MACROD1: variants seen among roughly 807,000 people sequenced by gnomAD.
The protein encoded by MACROD1 is mono-ADP ribosylhydrolase 1, also known as ADP-ribose glycohydrolase MACROD1.
MACROD1 carries 31 observed loss-of-function variants against 41.4 expected under a neutral mutation model. The ratio of observed to expected loss-of-function variants is 0.75; its 90% CI spans 0.56 to 1.01. MACROD1 has a LOEUF of 1.01. Among genes scored for constraint, MACROD1 ranks in the 50% least tolerant of loss-of-function variants. The pLI is 0.00. For missense variants in MACROD1, 473 were observed against 460.0 expected (o/e 1.03, Z -0.26); for synonymous variants, 252 against 203.4 (o/e 1.24, Z -2.03).
chr11:64,143,374 C>T (rs974069731), intron 3 of MACROD1, among the ~76,000 whole-genome samples: 1 of 152,106 alleles, frequency 6.6e-6, no homozygotes, highest in Non-Finnish European at 1.5e-5. Context: ...CTGACTCAGA[C>T]ACGAGGCAAC....
At chr11:64,012,453 T>G (rs1259212892) in intron 4 of MACROD1, among the ~76,000 whole-genome samples, 1 of 151,348 alleles carries the variant, frequency 6.6e-6, no homozygotes, top group Non-Finnish European at 1.5e-5. Flanking sequence ...CAAGCTGGAG[T>G]GCAGTGGTGT....
At chr11:64,085,564 C>T (rs1944379075) in intron 3 of MACROD1, among the ~76,000 whole-genome samples, 1 of 152,188 alleles carries the variant, frequency 6.6e-6, no homozygotes, top group Admixed American at 6.5e-5. Flanking sequence ...ACGTCCCCTG[C>T]CGCCCGCCCG....
intron 3 of MACROD1, among the ~76,000 whole-genome samples, chr11:64,037,919 G>A (rs1401424070): frequency 6.6e-6 from 1 of 152,348 alleles, no homozygotes; most frequent in Non-Finnish European, 1.5e-5. Context: ...GTGCTGCTTT[G>A]TAAGTGCATT....
intron 3 of MACROD1, among the ~76,000 whole-genome samples, chr11:64,026,704 C>T (rs1474041103): frequency 1.3e-5 from 2 of 152,148 alleles, no homozygotes; most frequent in African/African-American, 4.8e-5. Flanking sequence ...CTGTACCCCA[C>T]ACCCCTCCCC....
intron 3 of MACROD1, chr11:64,126,972 T>G (rs1945192534): frequency 6.6e-6 from 1 of 152,202 alleles, no homozygotes; most frequent in Admixed American, 6.5e-5. Flanking sequence ...TGCGACCAGA[T>G]GGCTGACCCG....
At chr11:64,052,839 C>T (rs557522441) in intron 3 of MACROD1, among the ~76,000 whole-genome samples, 2 of 152,278 alleles carry the variant, frequency 1.3e-5, no homozygotes, top group East Asian at 1.9e-4. Context: ...GGGGTTCTGC[C>T]GTGGTGCCAG....
At chr11:64,144,527 C>T (rs1248539867) in intron 3 of MACROD1, among the ~76,000 whole-genome samples, 2 of 152,212 alleles carry the variant, frequency 1.3e-5, no homozygotes, top group Non-Finnish European at 2.9e-5. Context: ...GCCTGCCTCT[C>T]GGGCCTCTGA....
intron 3 of MACROD1, among the ~76,000 whole-genome samples, chr11:64,110,698 G>C (rs1944846505): frequency 1.3e-5 from 2 of 152,142 alleles, no homozygotes; most frequent in African/African-American, 4.8e-5. Context: ...CATGGAGCTG[G>C]CAGGTCGTAA....
chr11:64,136,050 C>T (rs1432364496), intron 3 of MACROD1, among the ~76,000 whole-genome samples: 12 of 152,232 alleles, frequency 7.9e-5, no homozygotes, highest in Non-Finnish European at 1.5e-4. Flanking sequence ...CCGCCACGCT[C>T]GGCTGAGCCC....
chr11:64,035,745 C>G (rs1565203094), intron 3 of MACROD1, among the ~76,000 whole-genome samples: 2 of 146,452 alleles, frequency 1.4e-5, no homozygotes. Flanking sequence ...CCTCCTCTCC[C>G]TCCCCGCTCC....
intron 1 of MACROD1, among the ~76,000 whole-genome samples, chr11:64,156,524 C>G (rs978395953): frequency 1.3e-5 from 2 of 152,190 alleles, no homozygotes; most frequent in African/African-American, 4.8e-5. Context: ...CCAGCGTGAC[C>G]AGAGACACCT....
chr11:64,076,126 G>A (rs1044285632), intron 3 of MACROD1, among the ~76,000 whole-genome samples: 4 of 152,168 alleles, frequency 2.6e-5, no homozygotes, highest in African/African-American at 9.7e-5. Flanking sequence ...GGCCCTGCCA[G>A]TCACCTGCCC....
intron 3 of MACROD1, among the ~76,000 whole-genome samples, chr11:64,077,676 G>A (rs1034491821): frequency 4.6e-5 from 7 of 152,154 alleles, no homozygotes; most frequent in East Asian, 1.9e-4. Flanking sequence ...CCCACCTGCC[G>A]TGCCCCCTTG....
chr11:64,022,369 G>A lies in MACROD1; in HGVS notation c.518-7088C>T, dbSNP rs1014872730. On this transcript the variant is annotated intron_variant, in intron 3 of 10. Transcript: ENST00000255681. ...CCCCAGCATCCTCCTCACCCTCCCCGAGCTCAGATCCCCGCCATCAGCACA... is the reference window on the plus strand; with the variant it reads ...CCCCAGCATCCTCCTCACCCTCCCCAAGCTCAGATCCCCGCCATCAGCACA... Among the ~76,000 whole-genome samples the A allele has an allele frequency of 3.3e-5, 5 of 152,120 alleles. 1 individual carries two copies. In the South Asian group the frequency reaches 1.0e-3, roughly 32 times the overall value.
chr11:64,109,739 C>A (rs560258604), intron 3 of MACROD1, among the ~76,000 whole-genome samples: 6 of 152,250 alleles, frequency 3.9e-5, no homozygotes, highest in African/African-American at 1.4e-4. Flanking sequence ...CAGCTCTGTG[C>A]GGCCCAGACA....
chr11:64,057,452 G>C (rs1309387350), intron 3 of MACROD1, among the ~76,000 whole-genome samples: 1 of 152,208 alleles, frequency 6.6e-6, no homozygotes, highest in Admixed American at 6.5e-5. Context: ...AGAGAGGCCA[G>C]ACCCAGTCCC....
At chr11:64,049,805 G>A (rs867198137) in intron 3 of MACROD1, among the ~76,000 whole-genome samples, 7 of 152,190 alleles carry the variant, frequency 4.6e-5, no homozygotes, top group Non-Finnish European at 8.8e-5. Flanking sequence ...AAGTGAAGTC[G>A]TCTCTGCAGA....
intron 3 of MACROD1, among the ~76,000 whole-genome samples, chr11:64,061,417 C>T (rs1344412503): frequency 6.6e-6 from 1 of 152,184 alleles, no homozygotes; most frequent in East Asian, 1.9e-4. Flanking sequence ...AGGCCGGCCT[C>T]CCAGGACCTT....
intron 3 of MACROD1, among the ~76,000 whole-genome samples, chr11:64,049,277 G>A (rs1943645164): frequency 6.6e-6 from 1 of 152,118 alleles, no homozygotes; most frequent in South Asian, 2.1e-4. Flanking sequence ...ACAGAGAAGC[G>A]AAAAAGGGAC....
Sources: gnomAD v4.1 joint callset for allele counts (sites outside exome capture counted in the v4.1 genomes callset) on GRCh38, gnomAD v4.1.1 for gene constraint, MANE v1.5 for transcripts, NCBI Gene and HGNC (gene_info 2026-07-23, HGNC 2026-07-21) for gene names.